Variants in EYS observed in about 807,000 individuals in gnomAD.
EYS encodes the protein EGF-like photoreceptor maintenance factor.
In EYS, 250 loss-of-function variants were observed where a neutral mutation model predicts 282.1. The observed-to-expected ratio is 0.89, with a 90% CI of 0.80 to 0.98. The LOEUF (loss-of-function observed/expected upper bound fraction) is 0.98. Ranked by LOEUF, EYS falls within the 50% of genes least tolerant of loss-of-function variation. The pLI is 0.00. For synonymous variants in EYS, 1,355 were observed against 1,282.9 expected, an observed-to-expected ratio of 1.06 and a Z score of -1.20; for missense variants, 4,016 against 3,709.0, an observed-to-expected ratio of 1.08 and a Z score of -2.15.
chr6:64,013,520 T>C (rs1185941538), intron 33 of EYS, among the ~76,000 whole-genome samples: 1 of 152,222 alleles, frequency 6.6e-6, no homozygotes, highest in Non-Finnish European at 1.5e-5. Context: ...TGGAGGAGCC[T>C]GGCACTAGCT....
chr6:64,111,005 T>G (rs1431698359), intron 31 of EYS, among the ~76,000 whole-genome samples: 2 of 151,978 alleles, frequency 1.3e-5, no homozygotes, highest in Non-Finnish European at 1.5e-5. Context: ...TGCACAGTAG[T>G]AGATTTTTGG....
chr6:63,757,820 T>C (rs1769529157), intron 41 of EYS, among the ~76,000 whole-genome samples: 1 of 152,204 alleles, frequency 6.6e-6, no homozygotes, highest in African/African-American at 2.4e-5. Context: ...GATCTCTTCG[T>C]ATTGCCTGAG....
chr6:65,490,828 C>T, intron 4 of EYS, 121 bp from the exon 5 acceptor site: 1 of 672,258 alleles, frequency 1.5e-6, no homozygotes, highest in Non-Finnish European at 2.7e-6. Flanking sequence ...AGTTATGAAA[C>T]CATGTTATAC....
At chr6:63,926,573 A>G (rs1458799851) in intron 35 of EYS, among the ~76,000 whole-genome samples, 1 of 152,238 alleles carries the variant, frequency 6.6e-6, no homozygotes, top group Non-Finnish European at 1.5e-5. Context: ...GAAAGAGGGT[A>G]AGTGGCTTAT....
chr6:64,657,869 T>C (rs2149884178), intron 22 of EYS, among the ~76,000 whole-genome samples: 1 of 152,246 alleles, frequency 6.6e-6, no homozygotes, highest in Non-Finnish European at 1.5e-5. Flanking sequence ...CTTTTTGGCA[T>C]TCTCTGTATT....
At chr6:63,793,747 C>CT (rs1308986976) in intron 37 of EYS, among the ~76,000 whole-genome samples, 1 of 152,062 alleles carries the variant, frequency 6.6e-6, no homozygotes, top group Non-Finnish European at 1.5e-5. Flanking sequence ...GGGAGTTTGC[C>CT]TTTTTATTCT....
In EYS at chr6:63,788,161, CTG is replaced by C. The variant is rs2149670355; in HGVS notation, c.7665_7666del (p.Tyr2555Ter). On this transcript the variant is annotated stop_gained and frameshift_variant, in exon 39 of 43. Transcript: ENST00000503581. LOFTEE classifies it high-confidence loss of function. Reference sequence around the variant, plus strand: ...TGGTAAGAGATCTGGAGTGTATTCACTGTAGCCACCTACATAAAACTGACTGA... The same window carrying C: ...TGGTAAGAGATCTGGAGTGTATTCACTAGCCACCTACATAAAACTGACTGA... The C allele has an allele frequency of 6.5e-7, 1 of 1,549,364 alleles. No individual in the cohort carries two copies. The highest frequency in any genetic ancestry group is 2.4e-5 in the East Asian group (1 of 40,850).
intron 12 of EYS, among the ~76,000 whole-genome samples, chr6:65,083,756 G>A (rs987802029): frequency 6.6e-6 from 1 of 151,618 alleles, no homozygotes; most frequent in African/African-American, 2.4e-5. Context: ...TGGTCTCTAA[G>A]TATGCTTTCT....
intron 26 of EYS, among the ~76,000 whole-genome samples, chr6:64,522,209 G>A (rs771216378): frequency 2.6e-5 from 4 of 151,606 alleles, no homozygotes; most frequent in Non-Finnish European, 4.4e-5. Flanking sequence ...AATTTCAGTT[G>A]GTAATGCTTA....
At chr6:64,123,446 C>A (rs1441388324) in intron 31 of EYS, among the ~76,000 whole-genome samples, 2 of 152,098 alleles carry the variant, frequency 1.3e-5, no homozygotes, top group African/African-American at 4.8e-5. Flanking sequence ...TTTCTCTAAA[C>A]AAGCATGGGT....
At chr6:65,645,588 C>A (rs1263072446) in intron 1 of EYS, among the ~76,000 whole-genome samples, 1 of 151,882 alleles carries the variant, frequency 6.6e-6, no homozygotes, top group African/African-American at 2.4e-5. Context: ...TAAAAGGGCA[C>A]AAATAGACAA....
In EYS at chr6:64,404,378, AGAGTGTGT is replaced by A. The variant is rs1252244481; in HGVS notation, c.5928-15546_5928-15539del. 5.0e-3 allele frequency among the ~76,000 whole-genome samples: 710 copies of A among 142,802 alleles called. 4 individuals are homozygous for A. Among genetic ancestry groups the A allele is most frequent in the African/African-American group, 0.019 (660 of 34,686 alleles). The allele number at this position is 142,802 out of a possible 152,430, so 93.7% of individuals were successfully genotyped here. A position where few individuals can be genotyped will look rare whatever the true frequency, so the allele number is the denominator to read the frequency against. On this transcript the variant is annotated intron_variant, in intron 28 of 42. Transcript: ENST00000503581. ...TTTCTAAATTGTAATATAGAGTGTG[AGAGTGTGT>A]GTGTGTGTGTGTGTGTGTGTGTGTG...
chr6:65,386,241 C>T (rs1765798777), intron 7 of EYS, among the ~76,000 whole-genome samples: 1 of 151,512 alleles, frequency 6.6e-6, no homozygotes, highest in South Asian at 2.1e-4. Context: ...AAGAGACCCC[C>T]CAAATACTAT....
intron 35 of EYS, among the ~76,000 whole-genome samples, chr6:63,931,616 T>C (rs1041220176): frequency 6.6e-6 from 1 of 152,228 alleles, no homozygotes; most frequent in Non-Finnish European, 1.5e-5. Context: ...ACCCTGACTA[T>C]TGTTAACATG....
intron 12 of EYS, among the ~76,000 whole-genome samples, chr6:65,066,532 C>A (rs751759251): frequency 6.6e-6 from 1 of 152,114 alleles, no homozygotes; most frequent in South Asian, 2.1e-4. Flanking sequence ...AGAAAAAGTA[C>A]AACAGACCTG....
chr6:64,526,042 A>G (rs1007564189), intron 26 of EYS, among the ~76,000 whole-genome samples: 2 of 151,938 alleles, frequency 1.3e-5, no homozygotes, highest in African/African-American at 2.4e-5. Context: ...GATAACCTAG[A>G]TAAATATTCA....
Position 63,986,277 on chromosome 6 carries a change from C to T in EYS, c.6835-1674G>A, listed in dbSNP as rs140397574. 2.7e-3 allele frequency among the ~76,000 whole-genome samples: 402 copies of T among 151,674 alleles called. 5 individuals are homozygous for T. The highest frequency in any genetic ancestry group is 0.02 in the Admixed American group (302 of 15,188). On this transcript the variant is annotated intron_variant, in intron 34 of 42. Coordinates refer to ENST00000503581, the MANE Select transcript of EYS (RefSeq NM_001142800.2). ...TATTGAAAAGTAAAAAAATAACAGA[C>T]GCTGGCTAGGTTGCAGAGAAAAAGG...
intron 22 of EYS, among the ~76,000 whole-genome samples, chr6:64,785,183 G>A (rs373608298): frequency 6.6e-6 from 1 of 152,106 alleles, no homozygotes; most frequent in Admixed American, 6.5e-5. Flanking sequence ...AGTTGCCAGC[G>A]TTTCAGCTAA....
intron 31 of EYS, among the ~76,000 whole-genome samples, chr6:64,222,566 T>A (rs555293233): frequency 1.3e-5 from 2 of 152,156 alleles, no homozygotes; most frequent in African/African-American, 4.8e-5. Flanking sequence ...TTCTTACACA[T>A]CCTTACTATT....
Sources: gnomAD v4.1 joint callset for allele counts (sites outside exome capture counted in the v4.1 genomes callset) on GRCh38, gnomAD v4.1.1 for gene constraint, MANE v1.5 for transcripts, NCBI Gene and HGNC (gene_info 2026-07-23, HGNC 2026-07-21) for gene names.